MCTP1: variants seen among roughly 807,000 people sequenced by gnomAD.
MCTP1 encodes the protein multiple C2 and transmembrane domain-containing protein 1.
MCTP1 carries 69 observed loss-of-function variants against 120.6 expected under a neutral mutation model. That is an observed-to-expected ratio of 0.57 (90% CI 0.47 to 0.70). The LOEUF is 0.70. Among genes scored for constraint, MCTP1 ranks in the 30% least tolerant of loss-of-function variants. The pLI, the probability that MCTP1 is intolerant of heterozygous loss-of-function variation, is 0.00. For synonymous variants in MCTP1, 529 were observed against 493.1 expected (o/e 1.07, Z -0.96); for missense variants, 1,203 against 1,248.8 (o/e 0.96, Z 0.55).
intron 7 of MCTP1, among the ~76,000 whole-genome samples, chr5:94,923,640 A>G (rs901099660): frequency 2.0e-5 from 3 of 152,202 alleles, no homozygotes; most frequent in African/African-American, 7.2e-5. Flanking sequence ...GAGGAAAGAA[A>G]GAGCCTTCAT....
intron 11 of MCTP1, among the ~76,000 whole-genome samples, chr5:94,891,608 C>G (rs1056347795): frequency 6.6e-6 from 1 of 152,098 alleles, no homozygotes. Flanking sequence ...TCAGGTGCTT[C>G]GGCTCTGATC....
intron 17 of MCTP1, among the ~76,000 whole-genome samples, chr5:94,799,485 G>A (rs1780751383): frequency 6.6e-6 from 1 of 152,018 alleles, no homozygotes; most frequent in Admixed American, 6.6e-5. Flanking sequence ...GAAATACCCT[G>A]GTTTATCTGC....
intron 2 of MCTP1, among the ~76,000 whole-genome samples, chr5:94,983,623 C>A (rs536170566): frequency 1.3e-5 from 2 of 150,854 alleles, no homozygotes; most frequent in Admixed American, 1.3e-4. Flanking sequence ...CTGGGTGACA[C>A]ACTGAGATCC....
At chr5:94,715,385 A>C (rs1021381484) in intron 19 of MCTP1, among the ~76,000 whole-genome samples, 4 of 151,096 alleles carry the variant, frequency 2.6e-5, no homozygotes, top group South Asian at 2.1e-4. Flanking sequence ...AAAAAAAAAA[A>C]AAAACACCAC....
At chr5:95,008,000 C>T (rs151008197) in intron 2 of MCTP1, among the ~76,000 whole-genome samples, 43 of 152,298 alleles carry the variant, frequency 2.8e-4, no homozygotes, top group Admixed American at 5.2e-4. Context: ...GTAATGCCTA[C>T]ATGACGTAGC....
chr5:95,031,336 T>C (rs560690362), intron 1 of MCTP1, among the ~76,000 whole-genome samples: 4 of 151,748 alleles, frequency 2.6e-5, no homozygotes, highest in African/African-American at 7.2e-5. Flanking sequence ...AGTCGTCTGA[T>C]TTTCCAAGGT....
chr5:95,188,369 T>C lies in MCTP1; in HGVS notation c.720+95487A>G, dbSNP rs541349929. 2.0e-5 allele frequency among the ~76,000 whole-genome samples: 3 copies of C among 152,290 alleles called. No homozygotes were observed. The South Asian group carries it at 6.2e-4, about 32-fold the overall frequency. On this transcript the variant is annotated intron_variant, in intron 1 of 22. Coordinates refer to ENST00000515393, the MANE Select transcript of MCTP1 (RefSeq NM_024717.7). Reference sequence around the variant, plus strand: ...CAGCAGTTTTATATAAAACTAAACATACTATCACCATATGACCCAGCAATT... The same window carrying C: ...CAGCAGTTTTATATAAAACTAAACACACTATCACCATATGACCCAGCAATT...
chr5:95,200,368 A>G (rs1750878416), intron 1 of MCTP1, among the ~76,000 whole-genome samples: 2 of 149,366 alleles, frequency 1.3e-5, no homozygotes, highest in African/African-American at 5.0e-5. Context: ...AGGGAATAAA[A>G]TCAGTGTATG....
At chr5:95,068,717 A>G (rs1751323690) in intron 1 of MCTP1, 2 of 972,472 alleles carry the variant, frequency 2.1e-6, no homozygotes, top group East Asian at 7.6e-5. Context: ...GTCAAAAAAT[A>G]AAGCTTTTAT....
intron 17 of MCTP1, among the ~76,000 whole-genome samples, chr5:94,805,848 G>C (rs1782160100): frequency 6.8e-6 from 1 of 146,416 alleles, no homozygotes; most frequent in African/African-American, 2.6e-5. Flanking sequence ...CTAGTATGCT[G>C]TTCCCACGAA....
At chr5:95,014,510 G>A (rs1238861295) in intron 2 of MCTP1, among the ~76,000 whole-genome samples, 1 of 152,092 alleles carries the variant, frequency 6.6e-6, no homozygotes, top group African/African-American at 2.4e-5. Context: ...ATGAAGAGCT[G>A]TTTCTTATGA....
intron 1 of MCTP1, among the ~76,000 whole-genome samples, chr5:95,226,464 G>T (rs886974939): frequency 6.6e-6 from 1 of 152,152 alleles, no homozygotes; most frequent in Admixed American, 6.5e-5. Flanking sequence ...CTGTGTGACA[G>T]GTGCAGGATT....
intron 10 of MCTP1, among the ~76,000 whole-genome samples, chr5:94,897,217 C>T (rs1804253354): frequency 6.7e-6 from 1 of 150,364 alleles, no homozygotes; most frequent in Non-Finnish European, 1.5e-5. Context: ...TGCGTGCCAC[C>T]AGGCCTGGCT....
At chr5:94,730,602 G>A (rs1459760603) in intron 19 of MCTP1, among the ~76,000 whole-genome samples, 1 of 152,192 alleles carries the variant, frequency 6.6e-6, no homozygotes, top group East Asian at 1.9e-4. Flanking sequence ...CCTGCATCAA[G>A]TAAGGAGGAG....
intron 18 of MCTP1, among the ~76,000 whole-genome samples, chr5:94,797,646 A>G (rs1394563203): frequency 6.6e-6 from 1 of 152,282 alleles, no homozygotes; most frequent in East Asian, 1.9e-4. Flanking sequence ...AATCTCTATT[A>G]GCAATCTCAT....
chr5:95,235,985 C>T (rs1755502834), intron 1 of MCTP1, among the ~76,000 whole-genome samples: 1 of 152,100 alleles, frequency 6.6e-6, no homozygotes, highest in Non-Finnish European at 1.5e-5. Flanking sequence ...CCTACTGAAG[C>T]AACATTTATG....
intron 1 of MCTP1, among the ~76,000 whole-genome samples, chr5:95,133,933 T>C (rs1297355389): frequency 6.6e-6 from 1 of 152,250 alleles, no homozygotes; most frequent in Non-Finnish European, 1.5e-5. Flanking sequence ...ATAAGAACTG[T>C]AAAAACCCCA....
At chr5:94,759,834 A>G (rs1770845891) in intron 19 of MCTP1, among the ~76,000 whole-genome samples, 1 of 149,032 alleles carries the variant, frequency 6.7e-6, no homozygotes, top group Non-Finnish European at 1.5e-5. Flanking sequence ...CTCCTAATAA[A>G]TGTACCTAAT....
At chr5:95,057,071 T>C (rs1747585090) in intron 1 of MCTP1, among the ~76,000 whole-genome samples, 1 of 152,088 alleles carries the variant, frequency 6.6e-6, no homozygotes, top group Non-Finnish European at 1.5e-5. Flanking sequence ...AGCCATAGAG[T>C]CTTTAATTTT....
Sources: gnomAD v4.1 joint callset for allele counts (sites outside exome capture counted in the v4.1 genomes callset) on GRCh38, gnomAD v4.1.1 for gene constraint, MANE v1.5 for transcripts, NCBI Gene and HGNC (gene_info 2026-07-23, HGNC 2026-07-21) for gene names.